The following GHR variants were observed in gnomAD, a reference collection of about 807,000 sequenced individuals.
The protein encoded by GHR is GH receptor.
In GHR, 35 loss-of-function variants were observed where a neutral mutation model predicts 67.1. That is an observed-to-expected ratio of 0.52 (90% CI 0.40 to 0.69). The LOEUF (loss-of-function observed/expected upper bound fraction) is 0.69. Among genes scored for constraint, GHR ranks in the 30% least tolerant of loss-of-function variants. The probability of loss-of-function intolerance (pLI) is 0.00; values close to 1 mark genes in which losing one functional copy is unlikely to be tolerated. For synonymous variants in GHR, 272 were observed against 269.1 expected (o/e 1.01, Z -0.10); for missense variants, 792 against 764.6 (o/e 1.04, Z -0.42).
intron 8 of GHR, chr5:42,715,070 C>A: frequency 2.7e-6 from 1 of 377,192 alleles, no homozygotes; most frequent in Admixed American, 3.6e-5. Flanking sequence ...ACTTCTAATA[C>A]AGTGCTTTTT....
intron 1 of GHR, among the ~76,000 whole-genome samples, chr5:42,431,022 G>A (rs937385984): frequency 1.3e-5 from 2 of 152,022 alleles, no homozygotes; most frequent in African/African-American, 4.8e-5. Context: ...CATATTTCTT[G>A]TATGTTAAAA....
intron 1 of GHR, among the ~76,000 whole-genome samples, chr5:42,546,736 A>G (rs964380520): frequency 2.0e-5 from 3 of 152,186 alleles, no homozygotes; most frequent in Non-Finnish European, 4.4e-5. Context: ...TGAGAGAGAG[A>G]GACTGAAAGA....
intron 3 of GHR, among the ~76,000 whole-genome samples, chr5:42,683,229 T>A (rs988462085): frequency 6.6e-6 from 1 of 152,110 alleles, no homozygotes; most frequent in Non-Finnish European, 1.5e-5. Context: ...CTCGATCTCG[T>A]GACCTCATGA....
intron 1 of GHR, among the ~76,000 whole-genome samples, chr5:42,454,279 T>A (rs1744169219): frequency 6.6e-6 from 1 of 152,210 alleles, no homozygotes. Context: ...ATGCTAGTTA[T>A]GCTAGTATTG....
intron 1 of GHR, among the ~76,000 whole-genome samples, chr5:42,563,643 A>C (rs1561124985): frequency 6.6e-6 from 1 of 150,722 alleles, no homozygotes; most frequent in South Asian, 2.1e-4. Flanking sequence ...AAAAAAAAAA[A>C]AAAAAAATAC....
At chr5:42,715,026 C>G (rs1281806994) in intron 8 of GHR, 1 of 365,992 alleles carries the variant, frequency 2.7e-6, no homozygotes. Flanking sequence ...AAAAATTATC[C>G]TCTCAAAAAG....
At chr5:42,563,550 G>A (rs1035871649) in intron 1 of GHR, among the ~76,000 whole-genome samples, 6 of 148,864 alleles carry the variant, frequency 4.0e-5, no homozygotes, top group Non-Finnish European at 7.4e-5. Flanking sequence ...CCCGGGAAGC[G>A]GAGCTTGCAG....
intron 1 of GHR, among the ~76,000 whole-genome samples, chr5:42,450,563 C>T (rs969996623): frequency 3.9e-5 from 6 of 152,004 alleles, no homozygotes; most frequent in Non-Finnish European, 8.8e-5. Flanking sequence ...TTTATATTTT[C>T]AAAGAACCAG....
At chr5:42,535,757 G>A (rs374111620) in intron 1 of GHR, among the ~76,000 whole-genome samples, 13 of 151,926 alleles carry the variant, frequency 8.6e-5, no homozygotes, top group African/African-American at 2.2e-4. Flanking sequence ...CAGTGTGATC[G>A]TTTTCACAAT....
At chr5:42,634,714 C>T (rs553079816) in intron 3 of GHR, among the ~76,000 whole-genome samples, 8 of 152,140 alleles carry the variant, frequency 5.3e-5, no homozygotes, top group Non-Finnish European at 7.4e-5. Context: ...TATGCCTTTC[C>T]GAAAAGCCTT....
chr5:42,647,837 G>A (rs752950646), intron 3 of GHR: 8 of 303,064 alleles, frequency 2.6e-5, no homozygotes, highest in African/African-American at 1.6e-4. Context: ...TTGTTTCTCT[G>A]AATATAGCTT....
intron 1 of GHR, among the ~76,000 whole-genome samples, chr5:42,439,541 TA>T (rs1743475263): frequency 6.6e-6 from 1 of 152,188 alleles, no homozygotes; most frequent in Non-Finnish European, 1.5e-5. Flanking sequence ...CTTTAGTGCT[TA>T]AGCCCAAGAA....
chr5:42,680,285 A>G (rs1237466121), intron 3 of GHR, among the ~76,000 whole-genome samples: 1 of 152,236 alleles, frequency 6.6e-6, no homozygotes, highest in African/African-American at 2.4e-5. Flanking sequence ...CTTATGTTCA[A>G]TAATAGCCAT....
At chr5:42,435,614 A>G (rs566739531) in intron 1 of GHR, among the ~76,000 whole-genome samples, 2 of 152,346 alleles carry the variant, frequency 1.3e-5, no homozygotes, top group Admixed American at 6.5e-5. Context: ...GTTGACATCC[A>G]TAATCATGAT....
rs1284578821 is a variant in GHR at position 42,586,843 on chromosome 5, TA to T, written c.70+20906del. On this transcript the variant is annotated intron_variant, in intron 2 of 9. Transcript: ENST00000230882. ...CAAATGAAGGTGCAGAATTTAGGAC[TA>T]AAAAAAGCCTGAGCACGTGGCACTG... 3.3e-5 allele frequency among the ~76,000 whole-genome samples: 5 copies of T among 152,070 alleles called. No homozygotes were observed. The East Asian group carries it at 9.6e-4, about 29-fold the overall frequency.
At chr5:42,451,983 T>C (rs1744071910) in intron 1 of GHR, among the ~76,000 whole-genome samples, 1 of 152,224 alleles carries the variant, frequency 6.6e-6, no homozygotes, top group Non-Finnish European at 1.5e-5. Context: ...AATTATGTTA[T>C]TGCTTTATAG....
intron 1 of GHR, among the ~76,000 whole-genome samples, chr5:42,522,206 G>A (rs767416780): frequency 1.2e-4 from 18 of 152,202 alleles, no homozygotes; most frequent in Admixed American, 2.0e-4. Context: ...GCCACTTTGC[G>A]TATAAAGGGT....
intron 1 of GHR, chr5:42,467,694 G>A (rs1561320542): frequency 8.2e-6 from 13 of 1,582,954 alleles, no homozygotes; most frequent in Non-Finnish European, 1.1e-5. Context: ...TCTGAATGAA[G>A]GCCTTCCCAC....
intron 1 of GHR, among the ~76,000 whole-genome samples, chr5:42,496,607 A>G (rs1746331866): frequency 6.6e-6 from 1 of 152,168 alleles, no homozygotes; most frequent in Non-Finnish European, 1.5e-5. Context: ...CTTGTCCCAC[A>G]GAATACTTGT....
Sources: gnomAD v4.1 joint callset for allele counts (sites outside exome capture counted in the v4.1 genomes callset) on GRCh38, gnomAD v4.1.1 for gene constraint, MANE v1.5 for transcripts, NCBI Gene and HGNC (gene_info 2026-07-23, HGNC 2026-07-21) for gene names.